The following CLRN1 variants were observed in gnomAD, a reference collection of about 807,000 sequenced individuals.
CLRN1 encodes the protein clarin-1.
Under a neutral mutation model 18.7 loss-of-function variants are expected in CLRN1, and 15 were observed. That is an observed-to-expected ratio of 0.80 (90% CI 0.54 to 1.23). The LOEUF is 1.23. Ranked by LOEUF, CLRN1 falls within the 50% of genes most tolerant of loss-of-function variation. The probability of loss-of-function intolerance (pLI) is 0.00; values close to 1 mark genes in which losing one functional copy is unlikely to be tolerated. For synonymous variants in CLRN1, 104 were observed against 102.9 expected (o/e 1.01, Z -0.07); for missense variants, 311 against 277.5 (o/e 1.12, Z -0.86).
intron 1 of CLRN1, among the ~76,000 whole-genome samples, chr3:150,947,991 G>C (rs1714264283): frequency 6.6e-6 from 1 of 152,104 alleles, no homozygotes; most frequent in African/African-American, 2.4e-5. Flanking sequence ...GAAAGAATTA[G>C]AGAAGCAAGA....
At position 150,927,723 on chromosome 3, in the gene CLRN1, G is replaced by A; in HGVS notation, c.*213C>T. 1.4e-6 allele frequency: 1 copy of A among 703,408 alleles called. No individual in the cohort carries two copies. The highest frequency in any genetic ancestry group is 2.5e-6 in the Non-Finnish European group (1 of 396,398). 43.6% of individuals were successfully genotyped at this position (703,408 alleles called of 1,614,324 possible). ...AACTGCCTTTGACTACCTGGGTCAAGCAATTTCCCACCAGATAAAACAACT... is the reference window on the plus strand; with the variant it reads ...AACTGCCTTTGACTACCTGGGTCAAACAATTTCCCACCAGATAAAACAACT... On this transcript the variant is annotated 3_prime_UTR_variant, in exon 3 of 3. Transcript: ENST00000327047.
At chr3:150,928,224 T>C (rs377589518) in intron 2 of CLRN1, 23 bp from the exon 3 acceptor site, 95 of 1,613,346 alleles carry the variant, frequency 5.9e-5, no homozygotes, top group Non-Finnish European at 1.3e-5. Context: ...AAACAAGGTG[T>C]TGGGACAAAT....
At chr3:150,938,017 AG>A (rs1468850342) in intron 2 of CLRN1, among the ~76,000 whole-genome samples, 1 of 152,124 alleles carries the variant, frequency 6.6e-6, no homozygotes, top group Non-Finnish European at 1.5e-5. Flanking sequence ...CAGGATGCCA[AG>A]TCTTGGGTGC....
At chr3:150,940,300 A>C (rs1713740958) in intron 2 of CLRN1, among the ~76,000 whole-genome samples, 1 of 152,254 alleles carries the variant, frequency 6.6e-6, no homozygotes. Flanking sequence ...TGTGATTAGC[A>C]GAATGTGGAT....
intron 1 of CLRN1, among the ~76,000 whole-genome samples, chr3:150,959,628 CAAA>C (rs202231765): frequency 9.1e-5 from 8 of 87,638 alleles, no homozygotes; most frequent in South Asian, 4.0e-4. Flanking sequence ...GACTTTGTCT[CAAA>C]AAAAAAAAAA....
At chr3:150,950,019 C>A (rs1714400362) in intron 1 of CLRN1, among the ~76,000 whole-genome samples, 1 of 152,104 alleles carries the variant, frequency 6.6e-6, no homozygotes, top group Admixed American at 6.6e-5. Context: ...ACACCTACAA[C>A]CATCTGATCT....
chr3:150,962,900 G>C lies in CLRN1; in HGVS notation c.253+9556C>G, dbSNP rs1715100738. Among the ~76,000 whole-genome samples, 2 of 151,708 alleles carry C rather than the reference G, an allele frequency of 1.3e-5. 1 individual carries two copies. Among genetic ancestry groups the C allele is most frequent in the Admixed American group, 1.3e-4 (2 of 15,252 alleles). On this transcript the variant is annotated intron_variant, in intron 1 of 2. Transcript: ENST00000327047. ...ATCAAAGATTAAGATTTAGACATCA[G>C]GATCACTAAAATGTGAAATAAAAAG...
At chr3:150,934,813 CTCTCTT>C (rs914176785) in intron 2 of CLRN1, among the ~76,000 whole-genome samples, 8 of 151,978 alleles carry the variant, frequency 5.3e-5, no homozygotes, top group African/African-American at 1.5e-4. Context: ...AGTTCTCTCT[CTCTCTT>C]TCTCTTTCTC....
At chr3:150,935,475 C>T (rs905123502) in intron 2 of CLRN1, among the ~76,000 whole-genome samples, 1 of 151,788 alleles carries the variant, frequency 6.6e-6, no homozygotes, top group South Asian at 2.1e-4. Context: ...GACATGAACT[C>T]ATCATTTTTT....
chr3:150,971,057 G>A (rs923440254), intron 1 of CLRN1, among the ~76,000 whole-genome samples: 1 of 152,086 alleles, frequency 6.6e-6, no homozygotes, highest in African/African-American at 2.4e-5. Context: ...TACCTTCTCC[G>A]CTTTTGTCTA....
intron 2 of CLRN1, among the ~76,000 whole-genome samples, chr3:150,931,069 A>T (rs1160485362): frequency 6.6e-6 from 1 of 152,210 alleles, no homozygotes; most frequent in Admixed American, 6.5e-5. Flanking sequence ...CCTGAGTCTC[A>T]TAACCTTTCA....
At chr3:150,948,212 C>G (rs943113225) in intron 1 of CLRN1, among the ~76,000 whole-genome samples, 1 of 151,530 alleles carries the variant, frequency 6.6e-6, no homozygotes, top group Non-Finnish European at 1.5e-5. Flanking sequence ...GGGCCGGGCG[C>G]GGTGGCTCAC....
chr3:150,928,016 G>A lies in CLRN1; in HGVS notation c.619C>T (p.Arg207Ter), dbSNP rs373208120. ...AAAGGGAACTGAAATCCAGCAAGTC[G>A]TATTAGGAGCCCATTCAGAAAATGA... ...FVHFLNGLLI[R>*]LAGFQFPFAK... Residue 207 changes from arginine to a stop codon, truncating the protein, a stop_gained, in exon 3 of 3, where the codon CGA (arginine) becomes TGA (stop). Transcript: ENST00000327047. LOFTEE classifies it high-confidence loss of function. 49 of 1,614,064 alleles carry A rather than the reference G, an allele frequency of 3.0e-5. No individual in the cohort carries two copies. The highest frequency in any genetic ancestry group is 5.0e-5 in the Admixed American group (3 of 60,010).
At chr3:150,943,970 A>T in intron 1 of CLRN1, 1 of 1,497,514 alleles carries the variant, frequency 6.7e-7, no homozygotes, top group Non-Finnish European at 9.2e-7. Flanking sequence ...TGGGAGTCCC[A>T]TGAAGGGGTC....
At chr3:150,932,390 G>A (rs932927709) in intron 2 of CLRN1, among the ~76,000 whole-genome samples, 2 of 152,136 alleles carry the variant, frequency 1.3e-5, no homozygotes, top group South Asian at 2.1e-4. Flanking sequence ...TTGGCTCCTC[G>A]AAGGGGAAGA....
chr3:150,956,137 A>G (rs1714727632), intron 1 of CLRN1, among the ~76,000 whole-genome samples: 1 of 152,174 alleles, frequency 6.6e-6, no homozygotes, highest in South Asian at 2.1e-4. Context: ...TCAGTATTAC[A>G]GCTCATGCTT....
intron 2 of CLRN1, among the ~76,000 whole-genome samples, chr3:150,934,737 A>G (rs965800398): frequency 1.3e-5 from 2 of 152,194 alleles, no homozygotes; most frequent in African/African-American, 2.4e-5. Context: ...ACTAAAAACT[A>G]TGAATCTAAT....
In CLRN1 at chr3:150,927,476, A is replaced by G. The variant is rs1191194880; in HGVS notation, c.*460T>C. The G allele has an allele frequency of 2.2e-6, 1 of 452,896 alleles. No homozygotes were observed. Among genetic ancestry groups the G allele is most frequent in the African/African-American group, 2.0e-5 (1 of 50,012 alleles). 28.1% of individuals were successfully genotyped at this position (452,896 alleles called of 1,614,324 possible). A position where few individuals can be genotyped will look rare whatever the true frequency, so the allele number is the denominator to read the frequency against. ...TAAAATGTGTGTTGATACATTTTATAGATGTTCATTTAATACACTACTGTT... is the reference window on the plus strand; with the variant it reads ...TAAAATGTGTGTTGATACATTTTATGGATGTTCATTTAATACACTACTGTT... On this transcript the variant is annotated 3_prime_UTR_variant, in exon 3 of 3. Transcript: ENST00000327047.
chr3:150,947,952 T>A (rs1714262100), intron 1 of CLRN1, among the ~76,000 whole-genome samples: 1 of 151,960 alleles, frequency 6.6e-6, no homozygotes, highest in Non-Finnish European at 1.5e-5. Context: ...AAAAGTTAGA[T>A]CTCAAACTAA....
Sources: allele counts gnomAD v4.1 joint callset (sites outside exome capture counted in the v4.1 genomes callset), GRCh38; gene constraint gnomAD v4.1.1; transcripts MANE v1.5; gene names NCBI Gene and HGNC (gene_info 2026-07-23, HGNC 2026-07-21).